The following FER variants were observed in gnomAD, a reference collection of about 807,000 sequenced individuals.
FER encodes tyrosine-protein kinase Fer.
A neutral mutation model predicts 111.0 loss-of-function variants in FER; 63 were observed. That is an observed-to-expected ratio of 0.57 (90% confidence interval 0.46 to 0.70). The LOEUF is 0.70. Among genes scored for constraint, FER ranks in the 30% least tolerant of loss-of-function variants. The pLI is 0.00. For synonymous variants in FER, 327 were observed against 313.9 expected (o/e 1.04, Z -0.44); for missense variants, 914 against 954.0 (o/e 0.96, Z 0.55).
At chr5:109,001,897 G>A (rs1764826303) in intron 13 of FER, among the ~76,000 whole-genome samples, 1 of 152,050 alleles carries the variant, frequency 6.6e-6, no homozygotes, top group Admixed American at 6.6e-5. Flanking sequence ...GCTTCAAAGA[G>A]AACAAAATAC....
intron 13 of FER, among the ~76,000 whole-genome samples, chr5:108,976,863 A>G (rs1761416329): frequency 6.6e-6 from 1 of 152,212 alleles, no homozygotes; most frequent in Non-Finnish European, 1.5e-5. Flanking sequence ...ATATCAAGCA[A>G]TTCAACTTTA....
intron 2 of FER, chr5:108,785,532 A>G (rs924330931): frequency 9.4e-5 from 52 of 551,868 alleles, no homozygotes; most frequent in Admixed American, 7.9e-4. Flanking sequence ...TGAGTGTGGC[A>G]GGTGACATGG....
chr5:109,079,321 C>T (rs955686398), intron 16 of FER, among the ~76,000 whole-genome samples: 9 of 151,608 alleles, frequency 5.9e-5, no homozygotes, highest in African/African-American at 1.5e-4. Context: ...TCACAAGGGA[C>T]GATGTTTATT....
chr5:109,142,886 C>G lies in FER; in HGVS notation c.2049-37861C>G, dbSNP rs556426778. Reference sequence around the variant, plus strand: ...AGAGTATTAGAATTGTAGATTGTAGCTAGTAGACGATACTGAGGAAGCCTA... The same window carrying G: ...AGAGTATTAGAATTGTAGATTGTAGGTAGTAGACGATACTGAGGAAGCCTA... On this transcript the variant is annotated intron_variant, in intron 17 of 19. Coordinates refer to ENST00000281092, the MANE Select transcript of FER (RefSeq NM_005246.4). 2.0e-5 allele frequency among the ~76,000 whole-genome samples: 3 copies of G among 152,162 alleles called. No individual in the cohort carries two copies. The South Asian group carries it at 6.2e-4, about 32-fold the overall frequency.
chr5:109,141,493 G>A (rs1753517166), intron 17 of FER, among the ~76,000 whole-genome samples: 1 of 152,176 alleles, frequency 6.6e-6, no homozygotes, highest in Admixed American at 6.5e-5. Context: ...TATCAGTTAG[G>A]CTAACACAGA....
intron 11 of FER, among the ~76,000 whole-genome samples, chr5:108,948,617 T>C (rs1055992263): frequency 3.9e-5 from 6 of 152,086 alleles, no homozygotes; most frequent in African/African-American, 1.4e-4. Flanking sequence ...AAAAGCCTAC[T>C]GGCAATCATG....
chr5:109,186,953 A>G (rs762732329), intron 19 of FER, among the ~76,000 whole-genome samples: 1 of 152,188 alleles, frequency 6.6e-6, no homozygotes, highest in Non-Finnish European at 1.5e-5. Flanking sequence ...ACACTACCCA[A>G]TGCACTGCTG....
chr5:109,026,051 T>C (rs1188793016), intron 13 of FER, among the ~76,000 whole-genome samples: 1 of 152,176 alleles, frequency 6.6e-6, no homozygotes, highest in Non-Finnish European at 1.5e-5. Context: ...GAAAATGAGT[T>C]AGAAAATATT....
At chr5:108,976,148 A>G (rs760342779) in intron 13 of FER, among the ~76,000 whole-genome samples, 2 of 152,182 alleles carry the variant, frequency 1.3e-5, no homozygotes, top group African/African-American at 2.4e-5. Flanking sequence ...CAGGGATGGC[A>G]GAAGAGGAGG....
chr5:108,959,317 A>G lies in FER; in HGVS notation c.1626A>G (p.Ser542=), dbSNP rs1758849016. The change falls in exon 13 of 20, where the codon TCA becomes TCG. Residue 542 remains serine, a synonymous_variant. Coordinates refer to ENST00000281092, the MANE Select transcript of FER (RefSeq NM_005246.4). ...YTTKQVITKK[S]GVVLLNPIPK... is the part of the protein sequence containing the mutation. ...CAAAACAGGTCATCACTAAGAAATC[A>G]GGTGTAGTTCTGCTGAATCCTATTC... 1 of 1,611,922 alleles carries G rather than the reference A, an allele frequency of 6.2e-7. No individual in the cohort carries two copies. The highest frequency in any genetic ancestry group is 8.5e-7 in the Non-Finnish European group (1 of 1,178,664).
chr5:109,176,007 A>T (rs1757646862), intron 17 of FER, among the ~76,000 whole-genome samples: 1 of 152,180 alleles, frequency 6.6e-6, no homozygotes, highest in African/African-American at 2.4e-5. Flanking sequence ...ACAAACAAAT[A>T]ACAAATGCTG....
In FER at chr5:109,190,330, A is replaced by T. The variant is rs1759290122; in HGVS notation, c.*2755A>T. 1 of 152,046 alleles carries T rather than the reference A, an allele frequency of 6.6e-6. No individual in the cohort carries two copies. The highest frequency in any genetic ancestry group is 2.4e-5 in the African/African-American group (1 of 41,396). 9.4% of individuals were successfully genotyped at this position (152,046 alleles called of 1,614,324 possible). ...TGGTCCGGATGTAATTAGTCCAGTC[A>T]CAAATCTTTGTGTTGTTAATGGATT... On this transcript the variant is annotated 3_prime_UTR_variant, in exon 20 of 20. Transcript: ENST00000281092.
intron 3 of FER, among the ~76,000 whole-genome samples, chr5:108,827,960 G>A (rs1323381187): frequency 6.6e-6 from 1 of 151,502 alleles, no homozygotes; most frequent in Admixed American, 6.6e-5. Flanking sequence ...CTCCTGAGTA[G>A]CTAGGACTAT....
chr5:108,912,263 T>C (rs904404971), intron 10 of FER, among the ~76,000 whole-genome samples: 2 of 152,220 alleles, frequency 1.3e-5, no homozygotes, highest in African/African-American at 4.8e-5. Flanking sequence ...TCAGGTAATA[T>C]GATGCCTCCA....
intron 16 of FER, among the ~76,000 whole-genome samples, chr5:109,056,195 T>C (rs1055903130): frequency 1.3e-5 from 2 of 152,202 alleles, no homozygotes; most frequent in Admixed American, 1.3e-4. Flanking sequence ...AGAGCTACCA[T>C]GTACCTCAGC....
At chr5:109,052,140 C>T in intron 16 of FER, 3 of 1,605,446 alleles carry the variant, frequency 1.9e-6, no homozygotes, top group Middle Eastern at 1.7e-4. Context: ...CTTTCTTGTT[C>T]AGTTTCTCTT....
At chr5:108,767,897 A>C (rs1303738757) in intron 1 of FER, among the ~76,000 whole-genome samples, 196 bp from the exon 2 acceptor site, 1 of 152,234 alleles carries the variant, frequency 6.6e-6, no homozygotes, top group Non-Finnish European at 1.5e-5. Flanking sequence ...CTGTTTCGGA[A>C]AGTTAGAGAA....
At chr5:108,930,793 T>C (rs1281282325) in intron 10 of FER, among the ~76,000 whole-genome samples, 1 of 151,048 alleles carries the variant, frequency 6.6e-6, no homozygotes, top group Non-Finnish European at 1.5e-5. Context: ...TTTGTATTTT[T>C]AGTAGAGACA....
At chr5:109,175,972 C>G (rs1055553360) in intron 17 of FER, among the ~76,000 whole-genome samples, 4 of 151,976 alleles carry the variant, frequency 2.6e-5, no homozygotes, top group Admixed American at 6.6e-5. Context: ...GAGCAAGATT[C>G]CATCTCCAAA....
Sources: allele counts gnomAD v4.1 joint callset (sites outside exome capture counted in the v4.1 genomes callset), GRCh38; gene constraint gnomAD v4.1.1; transcripts MANE v1.5; gene names NCBI Gene and HGNC (gene_info 2026-07-23, HGNC 2026-07-21).